Variants in ANKRD18B observed in about 807,000 individuals in gnomAD.
ANKRD18B encodes the protein ankyrin repeat domain-containing protein 18B.
Under a neutral mutation model 111.8 loss-of-function variants are expected in ANKRD18B, and 75 were observed. That is an observed-to-expected ratio of 0.67 (90% CI 0.56 to 0.81). The LOEUF (loss-of-function observed/expected upper bound fraction) is 0.81, where lower values mean the gene tolerates loss of function less well. Among genes scored for constraint, ANKRD18B ranks in the 40% least tolerant of loss-of-function variants. The pLI, the probability that ANKRD18B is intolerant of heterozygous loss-of-function variation, is 0.00. For synonymous variants in ANKRD18B, 356 were observed against 417.3 expected (o/e 0.85, Z 1.79); for missense variants, 1,038 against 1,225.5 (o/e 0.85, Z 2.28).
intron 14 of ANKRD18B, among the ~76,000 whole-genome samples, chr9:33,559,934 C>T (rs1037180896): frequency 2.0e-5 from 3 of 152,152 alleles, no homozygotes; most frequent in African/African-American, 7.2e-5. Flanking sequence ...AAACAAACCC[C>T]ACATCATTTA....
rs573498097 is a variant in ANKRD18B, at chr9:33,556,542, C to T, written c.2330+722C>T. ...CTCCCAAAGTTGGCATGAGCCACTG[C>T]GCTTAGCAATGTATTCTTTAATGAT... On this transcript the variant is annotated intron_variant, in intron 13 of 18. Transcript: ENST00000684830. 4.6e-5 allele frequency among the ~76,000 whole-genome samples: 7 copies of T among 152,304 alleles called. No homozygotes were observed. In the East Asian group the frequency reaches 5.8e-4, roughly 13 times the overall value.
chr9:33,549,521 T>G (rs948707805), intron 11 of ANKRD18B, among the ~76,000 whole-genome samples: 1 of 152,152 alleles, frequency 6.6e-6, no homozygotes, highest in Non-Finnish European at 1.5e-5. Flanking sequence ...ATTTTGAAAT[T>G]CAGATTCAAT....
At chr9:33,537,660 G>C (rs1440319781) in intron 6 of ANKRD18B, among the ~76,000 whole-genome samples, 1 of 152,122 alleles carries the variant, frequency 6.6e-6, no homozygotes, top group Non-Finnish European at 1.5e-5. Flanking sequence ...AATTCCAGTT[G>C]ATTCTTGAAT....
In ANKRD18B at chr9:33,550,642, G is replaced by A; in HGVS notation, c.2217+63G>A. The A allele has an allele frequency of 2.9e-6, 4 of 1,395,214 alleles. No homozygotes were observed. In the East Asian group the frequency reaches 1.0e-4, roughly 37 times the overall value. The allele number at this position is 1,395,214 out of a possible 1,614,324, so 86.4% of individuals were successfully genotyped here. A position where few individuals can be genotyped will look rare whatever the true frequency, so the allele number is the denominator to read the frequency against. On this transcript the variant is annotated intron_variant, in intron 12 of 18. Transcript: ENST00000684830. The stretch of plus-strand genomic sequence containing the variant: ...AGCTGGTTGAATACCAGTATCCTAA[G>A]TGTCTTAGGATACTAATTTCAGTGG...
At chr9:33,564,644 A>G (rs1828658691) in intron 14 of ANKRD18B, among the ~76,000 whole-genome samples, 1 of 152,176 alleles carries the variant, frequency 6.6e-6, no homozygotes, top group South Asian at 2.1e-4. Context: ...TAGCTGCACT[A>G]ATTTACCTTC....
chr9:33,557,186 T>A (rs1174412856), intron 13 of ANKRD18B, among the ~76,000 whole-genome samples: 7 of 152,102 alleles, frequency 4.6e-5, no homozygotes, highest in Admixed American at 4.6e-4. Flanking sequence ...TCATCACATA[T>A]CTCTCTCCAC....
chr9:33,531,054 A>G (rs189075314), intron 3 of ANKRD18B, among the ~76,000 whole-genome samples: 3 of 152,188 alleles, frequency 2.0e-5, no homozygotes, highest in Admixed American at 1.3e-4. Context: ...GAGCTTTGGC[A>G]TTATCGGGAT....
Position 33,524,715 on chromosome 9 carries a change from C to G in ANKRD18B, c.206+20C>G. The G allele has an allele frequency of 6.5e-7, 1 of 1,544,946 alleles. No homozygotes were observed. Among genetic ancestry groups the G allele is most frequent in the African/African-American group, 1.4e-5 (1 of 72,930 alleles). ...AGACAGGTAGCGGGGGCTCAGCCCT[C>G]GGTGGGAGGGGGCCCCCAGGCCCGG... On this transcript the variant is annotated intron_variant, in intron 1 of 18. Coordinates refer to ENST00000684830, the MANE Select transcript of ANKRD18B (RefSeq NM_001393611.1).
chr9:33,527,106 C>A (rs1456109757), intron 1 of ANKRD18B, among the ~76,000 whole-genome samples: 1 of 152,106 alleles, frequency 6.6e-6, no homozygotes, highest in East Asian at 1.9e-4. Context: ...TTTCTCCCAC[C>A]TTTCAAGCAA....
Position 33,529,144 on chromosome 9 carries a change from C to A in ANKRD18B, c.466C>A (p.His156Asn). Residue 156 changes from histidine (H) to asparagine (N), a missense_variant, in exon 3 of 19, where the codon CAC (histidine) becomes AAC (asparagine). Physicochemically the swap from His to Asn is moderately conservative, Grantham distance 68 (BLOSUM62 1). Coordinates refer to ENST00000684830, the MANE Select transcript of ANKRD18B (RefSeq NM_001393611.1). ...TTCACTGGCAGAAAGACTGCTTTCC[C>A]ACCATGCAAATATTGAAGCACTAAA... Reference protein sequence around the residue: ...GTSLAERLLSHHANIEALNKE... With the variant: ...GTSLAERLLSNHANIEALNKE... The A allele has an allele frequency of 1.2e-6, 2 of 1,611,604 alleles. No individual in the cohort carries two copies. Among genetic ancestry groups the A allele is most frequent in the Non-Finnish European group, 1.7e-6 (2 of 1,179,756 alleles).
At chr9:33,573,611 G>C (rs1247717768), downstream of ANKRD18B, among the ~76,000 whole-genome samples, 2 of 144,934 alleles carry the variant, frequency 1.4e-5, 1 homozygote, top group Non-Finnish European at 3.1e-5. Flanking sequence ...TGGAGCCTGA[G>C]GCTGACTCCC....
chr9:33,569,845 C>T (rs1828742962), intron 17 of ANKRD18B, among the ~76,000 whole-genome samples: 1 of 152,110 alleles, frequency 6.6e-6, no homozygotes, highest in African/African-American at 2.4e-5. Context: ...ACCAGCCTGG[C>T]CAACATGATG....
At chr9:33,527,121 A>C (rs1423036499) in intron 1 of ANKRD18B, among the ~76,000 whole-genome samples, 6 of 152,228 alleles carry the variant, frequency 3.9e-5, no homozygotes, top group South Asian at 4.1e-4. Context: ...AAGCAAAAGC[A>C]TTTCTGAAGG....
intron 3 of ANKRD18B, among the ~76,000 whole-genome samples, chr9:33,530,280 A>T (rs1828091617): frequency 6.6e-6 from 1 of 152,134 alleles, no homozygotes; most frequent in Non-Finnish European, 1.5e-5. Flanking sequence ...GATGTAATAG[A>T]TCTAATAAGT....
intron 12 of ANKRD18B, among the ~76,000 whole-genome samples, chr9:33,551,528 C>T (rs1369585915): frequency 6.6e-6 from 1 of 152,138 alleles, no homozygotes; most frequent in Non-Finnish European, 1.5e-5. Context: ...CTGACTGGCT[C>T]TTTCACTTAG....
downstream of ANKRD18B, among the ~76,000 whole-genome samples, chr9:33,575,131 C>T (rs1261811020): frequency 2.6e-5 from 4 of 152,188 alleles, no homozygotes; most frequent in Non-Finnish European, 5.9e-5. Flanking sequence ...CACCGGGTGC[C>T]TGTTCTGTGC....
chr9:33,532,206 C>A (rs1168531039), intron 3 of ANKRD18B, among the ~76,000 whole-genome samples: 2 of 151,930 alleles, frequency 1.3e-5, no homozygotes, highest in Non-Finnish European at 2.9e-5. Context: ...TGCACTCCAG[C>A]CTGGGCGACA....
At chr9:33,554,095 A>C (rs1185965009) in intron 12 of ANKRD18B, among the ~76,000 whole-genome samples, 1 of 151,830 alleles carries the variant, frequency 6.6e-6, no homozygotes, top group Non-Finnish European at 1.5e-5. Context: ...ATAAATAAGA[A>C]AAAGAAAAAA....
chr9:33,539,922 G>A (rs1828254692), intron 7 of ANKRD18B, among the ~76,000 whole-genome samples, 156 bp from the exon 8 acceptor site: 2 of 149,478 alleles, frequency 1.3e-5, no homozygotes, highest in African/African-American at 2.5e-5. Context: ...TTCATGGTTG[G>A]CTACTTAGCA....
Sources: allele counts gnomAD v4.1 joint callset (sites outside exome capture counted in the v4.1 genomes callset), GRCh38; gene constraint gnomAD v4.1.1; transcripts MANE v1.5; gene names NCBI Gene and HGNC (gene_info 2026-07-23, HGNC 2026-07-21).